The following SMYD3 variants were observed in gnomAD, a reference collection of about 807,000 sequenced individuals.
SMYD3 encodes the protein SET and MYND domain containing 3.
Under a neutral mutation model 57.7 loss-of-function variants are expected in SMYD3, and 36 were observed. The ratio of observed to expected loss-of-function variants is 0.62; its 90% CI spans 0.48 to 0.82. SMYD3 has a LOEUF of 0.82. SMYD3 is among the 40% of genes least tolerant of loss of function. The probability of loss-of-function intolerance (pLI) is 0.00; values close to 1 mark genes in which losing one functional copy is unlikely to be tolerated. For missense variants in SMYD3, 515 were observed against 538.8 expected, an observed-to-expected ratio of 0.96 and a Z score of 0.44; for synonymous variants, 211 against 195.0, an observed-to-expected ratio of 1.08 and a Z score of -0.68.
intron 10 of SMYD3, among the ~76,000 whole-genome samples, chr1:245,766,018 CT>C (rs992238571): frequency 2.2e-4 from 34 of 151,626 alleles, no homozygotes; most frequent in Middle Eastern, 6.8e-3. Context: ...TATAGAAACA[CT>C]TTTTTTTTCA....
chr1:245,890,153 T>C (rs1308857948), intron 8 of SMYD3, among the ~76,000 whole-genome samples: 1 of 152,120 alleles, frequency 6.6e-6, no homozygotes, highest in Non-Finnish European at 1.5e-5. Context: ...GGGGAAACTC[T>C]CCAGGACATT....
At chr1:246,195,959 C>A (rs758210484) in intron 5 of SMYD3, among the ~76,000 whole-genome samples, 4 of 152,054 alleles carry the variant, frequency 2.6e-5, no homozygotes, top group Admixed American at 1.3e-4. Context: ...GGGTGTTTCT[C>A]AGAGTAATAT....
At chr1:245,981,594 C>T (rs945835348) in intron 5 of SMYD3, among the ~76,000 whole-genome samples, 4 of 152,068 alleles carry the variant, frequency 2.6e-5, no homozygotes, top group African/African-American at 9.7e-5. Flanking sequence ...TTTATAAATA[C>T]AAATGCTCAA....
At chr1:246,239,666 A>C (rs2063572644) in intron 5 of SMYD3, among the ~76,000 whole-genome samples, 1 of 152,220 alleles carries the variant, frequency 6.6e-6, no homozygotes, top group Admixed American at 6.5e-5. Context: ...GAATAGTCAC[A>C]CTGTCTTCCA....
intron 5 of SMYD3, among the ~76,000 whole-genome samples, chr1:246,066,447 A>T (rs2060341090): frequency 6.6e-6 from 1 of 151,632 alleles, no homozygotes; most frequent in African/African-American, 2.4e-5. Flanking sequence ...TATTTTTCAA[A>T]TTTTTTTTTA....
At chr1:246,297,771 C>CT (rs1363465607) in intron 5 of SMYD3, among the ~76,000 whole-genome samples, 2 of 152,118 alleles carry the variant, frequency 1.3e-5, no homozygotes, top group African/African-American at 2.4e-5. Context: ...ATTCACAATA[C>CT]TTTTCAATTA....
chr1:246,190,879 A>G (rs1191632685), intron 5 of SMYD3, among the ~76,000 whole-genome samples: 4 of 152,170 alleles, frequency 2.6e-5, no homozygotes, highest in Non-Finnish European at 5.9e-5. Flanking sequence ...AAAGCAAGAG[A>G]AAATGAGAGG....
At chr1:245,816,481 G>A (rs559980681) in intron 10 of SMYD3, among the ~76,000 whole-genome samples, 1 of 140,044 alleles carries the variant, frequency 7.1e-6, no homozygotes, top group Admixed American at 7.6e-5. Context: ...CCCAACTCAA[G>A]GTGCCATCTA....
chr1:245,807,334 G>A (rs1473736223), intron 10 of SMYD3, among the ~76,000 whole-genome samples: 2 of 151,922 alleles, frequency 1.3e-5, no homozygotes, highest in African/African-American at 2.4e-5. Flanking sequence ...CAATGCAAAC[G>A]CGTTTTTACC....
At chr1:245,817,230 TC>T (rs1558380415) in intron 10 of SMYD3, among the ~76,000 whole-genome samples, 1 of 144,882 alleles carries the variant, frequency 6.9e-6, no homozygotes, top group East Asian at 2.0e-4. Flanking sequence ...CTCAAGTGGG[TC>T]CCTGACCCCT....
chr1:246,240,450 A>G (rs975618725), intron 5 of SMYD3, among the ~76,000 whole-genome samples: 15 of 152,050 alleles, frequency 9.9e-5, no homozygotes, highest in African/African-American at 3.4e-4. Flanking sequence ...ATTGATCTAT[A>G]TCTCTGTTTT....
intron 5 of SMYD3, among the ~76,000 whole-genome samples, chr1:245,990,987 T>A (rs534244324): frequency 1.3e-5 from 2 of 152,288 alleles, no homozygotes; most frequent in South Asian, 4.1e-4. Context: ...TGAAGCATCA[T>A]AAGAAGTCAC....
chr1:245,845,906 T>C (rs1237350849), intron 10 of SMYD3, among the ~76,000 whole-genome samples: 2 of 152,242 alleles, frequency 1.3e-5, no homozygotes, highest in Non-Finnish European at 1.5e-5. Context: ...TTTTCAAGAA[T>C]GTCTGTCCCA....
At chr1:245,966,210 T>G (rs2148008482) in intron 5 of SMYD3, among the ~76,000 whole-genome samples, 1 of 152,278 alleles carries the variant, frequency 6.6e-6, no homozygotes, top group South Asian at 2.1e-4. Context: ...CTCACTCTGT[T>G]GCCCAGCCTG....
intron 8 of SMYD3, among the ~76,000 whole-genome samples, chr1:245,869,430 G>C (rs2052052879): frequency 6.6e-6 from 1 of 152,176 alleles, no homozygotes; most frequent in Non-Finnish European, 1.5e-5. Context: ...GGAGCAGCTA[G>C]TCTGGATGGC....
intron 1 of SMYD3, among the ~76,000 whole-genome samples, chr1:246,408,302 A>C (rs564466025): frequency 6.6e-6 from 1 of 152,228 alleles, no homozygotes; most frequent in South Asian, 2.1e-4. Flanking sequence ...TGTCTATATA[A>C]ATAGTTATAT....
intron 5 of SMYD3, among the ~76,000 whole-genome samples, chr1:246,177,290 T>A (rs2062450404): frequency 6.6e-6 from 1 of 152,206 alleles, no homozygotes; most frequent in African/African-American, 2.4e-5. Context: ...ATGCCATCAC[T>A]TACAATCCAA....
At chr1:245,977,407 G>A (rs182543812) in intron 5 of SMYD3, among the ~76,000 whole-genome samples, 65 of 152,284 alleles carry the variant, frequency 4.3e-4, no homozygotes, top group African/African-American at 1.4e-3. Context: ...GGCCACGCAC[G>A]GTGGCTCACA....
At chr1:245,929,752 T>C in intron 6 of SMYD3, 118 bp downstream of exon 6, 1 of 797,444 alleles carries the variant, frequency 1.3e-6, no homozygotes, top group Admixed American at 2.1e-5. Context: ...TTGCTAAGTT[T>C]TAAGCTTGGC....
Sources: allele counts gnomAD v4.1 joint callset (sites outside exome capture counted in the v4.1 genomes callset), GRCh38; gene constraint gnomAD v4.1.1; transcripts MANE v1.5; gene names NCBI Gene and HGNC (gene_info 2026-07-23, HGNC 2026-07-21).